Variants in ZHX3 observed in about 807,000 individuals in gnomAD.
ZHX3 encodes the protein zinc fingers and homeoboxes 3, also known as zinc fingers and homeoboxes protein 3.
Under a neutral mutation model 64.5 loss-of-function variants are expected in ZHX3, and 20 were observed. The observed-to-expected ratio is 0.31, with a 90% CI of 0.22 to 0.45. ZHX3 has a LOEUF of 0.45. Ranked by LOEUF, ZHX3 falls within the 20% of genes least tolerant of loss-of-function variation. The pLI is 1.00. For missense variants in ZHX3, 1,041 were observed against 1,195.8 expected (o/e 0.87, Z 1.91); for synonymous variants, 423 against 461.6 (o/e 0.92, Z 1.07).
intron 2 of ZHX3, among the ~76,000 whole-genome samples, chr20:41,261,257 A>T (rs1439601102): frequency 6.6e-6 from 1 of 152,180 alleles, no homozygotes; most frequent in Non-Finnish European, 1.5e-5. Context: ...TTATTTTTTT[A>T]AATAACAGAA....
chr20:41,198,285 G>A (rs184168855), intron 3 of ZHX3, among the ~76,000 whole-genome samples: 23 of 151,968 alleles, frequency 1.5e-4, no homozygotes, highest in Non-Finnish European at 2.6e-4. Flanking sequence ...TGTGAGCCAC[G>A]GCACCTGGCC....
At chr20:41,208,973 G>A (rs977841011) in intron 2 of ZHX3, among the ~76,000 whole-genome samples, 10 of 152,180 alleles carry the variant, frequency 6.6e-5, no homozygotes, top group African/African-American at 2.4e-4. Context: ...TCCTTAAGCT[G>A]ATAAGCAACT....
intron 2 of ZHX3, among the ~76,000 whole-genome samples, chr20:41,263,252 A>G (rs2042651704): frequency 6.6e-6 from 1 of 152,260 alleles, no homozygotes; most frequent in Non-Finnish European, 1.5e-5. Flanking sequence ...AAGTTGGAAA[A>G]TGTAACAAAA....
rs568284480 is a variant in ZHX3 at position 41,282,361 on chromosome 20, C to CTTTTTTTTTTTTTTTTTTT, written c.-244-13297_-244-13279dup. ...TAGAGGTCCATTAGACACAATTCAT[C>CTTTTTTTTTTTTTTTTTTT]TTTTTTTTTTTTTTTTTTTGCGAAG... On this transcript the variant is annotated intron_variant, in intron 1 of 3. Coordinates refer to ENST00000683867, the MANE Select transcript of ZHX3 (RefSeq NM_001384317.1). Among the ~76,000 whole-genome samples the CTTTTTTTTTTTTTTTTTTT allele has an allele frequency of 1.3e-4, 13 of 97,212 alleles. 1 individual carries two copies. Among genetic ancestry groups the CTTTTTTTTTTTTTTTTTTT allele is most frequent in the Non-Finnish European group, 1.8e-4 (9 of 50,936 alleles). The allele number at this position is 97,212 out of a possible 152,430, so 63.8% of individuals were successfully genotyped here.
At chr20:41,282,976 T>C (rs2043766213) in intron 1 of ZHX3, among the ~76,000 whole-genome samples, 1 of 152,270 alleles carries the variant, frequency 6.6e-6, no homozygotes, top group East Asian at 1.9e-4. Flanking sequence ...TGGCATGATC[T>C]TGGCTCACTG....
intron 1 of ZHX3, among the ~76,000 whole-genome samples, chr20:41,304,863 A>C (rs894434809): frequency 6.6e-6 from 1 of 152,238 alleles, no homozygotes; most frequent in Non-Finnish European, 1.5e-5. Context: ...GTATAAAGTG[A>C]GATGTTATTA....
At chr20:41,261,052 A>G (rs764591929) in intron 2 of ZHX3, among the ~76,000 whole-genome samples, 1 of 152,220 alleles carries the variant, frequency 6.6e-6, no homozygotes, top group Non-Finnish European at 1.5e-5. Flanking sequence ...GAAGGAAACT[A>G]CTTTCAGCAT....
intron 2 of ZHX3, among the ~76,000 whole-genome samples, chr20:41,237,131 C>G (rs1264224554): frequency 6.6e-6 from 1 of 152,112 alleles, no homozygotes. Flanking sequence ...TAGAGAGGAT[C>G]TGGAAAAATA....
intron 2 of ZHX3, among the ~76,000 whole-genome samples, chr20:41,216,331 GA>G (rs2039531387): frequency 6.6e-6 from 1 of 151,886 alleles, no homozygotes; most frequent in South Asian, 2.1e-4. Flanking sequence ...TTCTCTCTCG[GA>G]AAGAAAGAAA....
Position 41,185,015 on chromosome 20 carries a change from G to A in ZHX3, c.*176C>T, listed in dbSNP as rs1278726136. 1 of 1,551,264 alleles carries A rather than the reference G, an allele frequency of 6.4e-7. No homozygotes were observed. The highest frequency in any genetic ancestry group is 8.7e-7 in the Non-Finnish European group (1 of 1,147,010). ...CTTGCTTGCTGCTTGCTTGGTGGTG[G>A]GCAGGCCGAGGGTAGCGGCAGGCTC... On this transcript the variant is annotated 3_prime_UTR_variant, in exon 4 of 4. Coordinates refer to ENST00000683867, the MANE Select transcript of ZHX3 (RefSeq NM_001384317.1). This position sits in a 1 kb window ranked among gnomAD's most constrained non-coding sequence, Gnocchi z 5.0.
intron 2 of ZHX3, among the ~76,000 whole-genome samples, chr20:41,241,165 G>A: frequency 6.6e-6 from 1 of 152,118 alleles, no homozygotes; most frequent in Admixed American, 6.5e-5. Context: ...ATCCTCACCA[G>A]CATTTGTTAC....
intron 2 of ZHX3, among the ~76,000 whole-genome samples, chr20:41,230,780 T>G (rs2146382497): frequency 6.6e-6 from 1 of 152,280 alleles, no homozygotes; most frequent in Non-Finnish European, 1.5e-5. Context: ...ATATACCCAC[T>G]GCCCCACACA....
At chr20:41,299,271 A>G (rs1199873079) in intron 1 of ZHX3, among the ~76,000 whole-genome samples, 2 of 152,230 alleles carry the variant, frequency 1.3e-5, no homozygotes, top group Non-Finnish European at 2.9e-5. Context: ...TTTCTTAAAG[A>G]TAAATTAATC....
chr20:41,268,720 T>C (rs2042982654), intron 2 of ZHX3, among the ~76,000 whole-genome samples: 1 of 152,212 alleles, frequency 6.6e-6, no homozygotes, highest in Admixed American at 6.5e-5. Flanking sequence ...ATGATCTCAA[T>C]GGTCAACCTA....
At position 41,209,061 on chromosome 20, in the gene ZHX3, A is replaced by C. The variant is rs142093884; in HGVS notation, c.-150-3995T>G. On this transcript the variant is annotated intron_variant, in intron 2 of 3. Coordinates refer to ENST00000683867, the MANE Select transcript of ZHX3 (RefSeq NM_001384317.1). ...ATACACCAATAACAGACAAACAGAG[A>C]GCCAAATCATGAGTGAACTCCCATT... 5.2e-3 allele frequency among the ~76,000 whole-genome samples: 794 copies of C among 152,324 alleles called. 11 individuals are homozygous for C. Among genetic ancestry groups the C allele is most frequent in the African/African-American group, 0.018 (749 of 41,558 alleles).
chr20:41,312,436 G>A (rs1474868186), intron 1 of ZHX3, among the ~76,000 whole-genome samples: 3 of 152,062 alleles, frequency 2.0e-5, no homozygotes, highest in Non-Finnish European at 4.4e-5. Flanking sequence ...CACTCTTTAG[G>A]TCCATGCCAT....
intron 1 of ZHX3, chr20:41,272,212 G>A (rs1370062395): frequency 6.6e-6 from 1 of 152,146 alleles, no homozygotes; most frequent in East Asian, 1.9e-4. Flanking sequence ...ACCTCCTTGG[G>A]ATCATCTGTT....
chr20:41,187,513 C>T (rs929387788), intron 3 of ZHX3, among the ~76,000 whole-genome samples: 7 of 152,098 alleles, frequency 4.6e-5, no homozygotes, highest in African/African-American at 1.7e-4. Context: ...AGTTTCCCAG[C>T]ACCTTTTGGT....
chr20:41,309,484 T>A (rs1040675692), intron 1 of ZHX3, among the ~76,000 whole-genome samples: 2 of 152,220 alleles, frequency 1.3e-5, no homozygotes, highest in African/African-American at 4.8e-5. Flanking sequence ...CATCCTCATA[T>A]GATTTTCATG....
Sources: gnomAD v4.1 joint callset for allele counts (sites outside exome capture counted in the v4.1 genomes callset) on GRCh38, gnomAD v4.1.1 for gene constraint, Gnocchi (gnomAD v3.1) non-coding constraint, MANE v1.5 for transcripts, NCBI Gene and HGNC (gene_info 2026-07-23, HGNC 2026-07-21) for gene names.